Variants in CSRNP2 observed in about 807,000 individuals in gnomAD.
CSRNP2 encodes cysteine/serine-rich nuclear protein 2.
A neutral mutation model predicts 36.6 loss-of-function variants in CSRNP2; 11 were observed. The ratio of observed to expected loss-of-function variants is 0.30; its 90% CI spans 0.19 to 0.50. CSRNP2 has a LOEUF of 0.50. Among genes scored for constraint, CSRNP2 ranks in the 20% least tolerant of loss-of-function variants. The pLI, the probability that CSRNP2 is intolerant of heterozygous loss-of-function variation, is 0.98. For missense variants in CSRNP2, 483 were observed against 691.4 expected, an observed-to-expected ratio of 0.70 and a Z score of 3.38; for synonymous variants, 248 against 275.3, an observed-to-expected ratio of 0.90 and a Z score of 0.98.
Position 51,061,335 on chromosome 12 carries a change from ATAC to A in CSRNP2, c.*2408_*2410del, listed in dbSNP as rs1469039994. On this transcript the variant is annotated 3_prime_UTR_variant, in exon 5 of 5. Transcript: ENST00000228515. The stretch of plus-strand genomic sequence containing the variant: ...GACAAGCTTTGGATTCACATTGAAA[ATAC>A]TACCTGTGTACAGTATGTGAGAAAG... 1.3e-5 allele frequency: 2 copies of A among 152,664 alleles called. No individual in the cohort carries two copies. Among genetic ancestry groups the A allele is most frequent in the Non-Finnish European group, 2.9e-5 (2 of 68,040 alleles). 9.5% of individuals were successfully genotyped at this position (152,664 alleles called of 1,614,324 possible).
At chr12:51,078,392 G>A (rs571336425) in intron 1 of CSRNP2, among the ~76,000 whole-genome samples, 1 of 8,196 alleles carries the variant, frequency 1.2e-4, no homozygotes, top group South Asian at 0.019. Context: ...AAATTTGCCA[G>A]GGAAGAAAAA....
intron 3 of CSRNP2, among the ~76,000 whole-genome samples, chr12:51,070,324 A>G (rs1018193904): frequency 1.2e-4 from 19 of 152,160 alleles, no homozygotes; most frequent in African/African-American, 4.1e-4. Flanking sequence ...GAAGAGAAGT[A>G]AAGTGGGGCT....
At chr12:51,072,994 G>A (rs1462656735) in intron 3 of CSRNP2, among the ~76,000 whole-genome samples, 1 of 152,114 alleles carries the variant, frequency 6.6e-6, no homozygotes, top group African/African-American at 2.4e-5. Context: ...GGTCAAGAGG[G>A]AAGGACCACT....
Position 51,061,949 on chromosome 12 carries a change from T to G in CSRNP2, c.*1797A>C, listed in dbSNP as rs1393175990. ...GGAGTCTAGTTCAGTTCTGGGTAGC[T>G]TCGAGAGCTCAGGTACTTAAAAGAC... On this transcript the variant is annotated 3_prime_UTR_variant, in exon 5 of 5. Coordinates refer to ENST00000228515, the MANE Select transcript of CSRNP2 (RefSeq NM_030809.3). 2.0e-5 allele frequency: 3 copies of G among 152,168 alleles called. No individual in the cohort carries two copies. Among genetic ancestry groups the G allele is most frequent in the Non-Finnish European group, 1.5e-5 (1 of 68,038 alleles). The allele number at this position is 152,168 out of a possible 1,614,324, so 9.4% of individuals were successfully genotyped here.
rs148953623 is a variant in CSRNP2, at chr12:51,062,505, G to T, written c.*1241C>A. 4 of 152,322 alleles carry T rather than the reference G, an allele frequency of 2.6e-5. No individual in the cohort carries two copies. The highest frequency in any genetic ancestry group is 9.6e-5 in the African/African-American group (4 of 41,562). 9.4% of individuals were successfully genotyped at this position (152,322 alleles called of 1,614,324 possible). ...GTAAGAACTGAATCAAACTGAATGAGTTCCATTCTATACGCTTCAAAGGTT... is the reference window on the plus strand; with the variant it reads ...GTAAGAACTGAATCAAACTGAATGATTTCCATTCTATACGCTTCAAAGGTT... On this transcript the variant is annotated 3_prime_UTR_variant, in exon 5 of 5. Transcript: ENST00000228515.
At chr12:51,082,131 C>T (rs950355337) in intron 1 of CSRNP2, among the ~76,000 whole-genome samples, 1 of 152,224 alleles carries the variant, frequency 6.6e-6, no homozygotes, top group Admixed American at 6.5e-5. Context: ...AATAAAATGA[C>T]CTGCCCTGTT....
At position 51,064,279 on chromosome 12, in the gene CSRNP2, C is replaced by A; in HGVS notation, c.1099G>T (p.Val367Phe). The change falls in exon 5 of 5, where the codon GTC becomes TTC. Residue 367 changes from valine (V) to phenylalanine (F), a missense_variant. Val to Phe is a conservative substitution (Grantham distance 50, BLOSUM62 -1). Around this residue, in one of 2 missense-constraint regions of CSRNP2, gnomAD observed 277 missense variants for 323.6 expected, o/e 0.86. Coordinates refer to ENST00000228515, the MANE Select transcript of CSRNP2 (RefSeq NM_030809.3). The stretch of plus-strand genomic sequence containing the variant: ...AGGCCTGGGCACAGCTCTTCGGGGA[C>A]AGCCAGAGGCTCCTCTAGGATGCAC... ...GVCILEEPLAVPEELCPGLTA... is the reference protein window; with the variant it reads ...GVCILEEPLAFPEELCPGLTA... 6.2e-7 allele frequency: 1 copy of A among 1,612,628 alleles called. No homozygotes were observed. Among genetic ancestry groups the A allele is most frequent in the South Asian group, 1.1e-5 (1 of 90,954 alleles).
At chr12:51,082,206 T>C (rs1939669543) in intron 1 of CSRNP2, among the ~76,000 whole-genome samples, 4 of 152,216 alleles carry the variant, frequency 2.6e-5, no homozygotes, top group Admixed American at 2.0e-4. Context: ...CCATGTGTCT[T>C]TGTGATCACC....
intron 2 of CSRNP2, among the ~76,000 whole-genome samples, chr12:51,074,973 G>A (rs1269620103): frequency 1.3e-5 from 2 of 152,120 alleles, no homozygotes; most frequent in Non-Finnish European, 2.9e-5. Context: ...GCTGAGGCAG[G>A]AGAATCACTT....
chr12:51,065,814 T>C (rs1938152748), intron 4 of CSRNP2, among the ~76,000 whole-genome samples: 1 of 152,088 alleles, frequency 6.6e-6, no homozygotes, highest in Non-Finnish European at 1.5e-5. Context: ...AATGACTCAT[T>C]ATGGGACTTT....
At chr12:51,069,680 G>GTT (rs556466810) in intron 3 of CSRNP2, among the ~76,000 whole-genome samples, 50 of 141,798 alleles carry the variant, frequency 3.5e-4, no homozygotes, top group African/African-American at 1.2e-3. Context: ...AGAAATCTGG[G>GTT]TTTTTTTTTT....
chr12:51,077,335 G>A lies in CSRNP2; in HGVS notation c.-86-688C>T, dbSNP rs185419124. ...ATTAATAGCTTTTACATAGAAATAC[G>A]ACTGCTGTGTCAAAAGGGTTTTAAA... On this transcript the variant is annotated intron_variant, in intron 1 of 4. Transcript: ENST00000228515. Among the ~76,000 whole-genome samples the A allele has an allele frequency of 7.2e-5, 11 of 152,258 alleles. No individual in the cohort carries two copies. In the South Asian group the frequency reaches 1.2e-3, roughly 17 times the overall value.
rs752561947 is a variant in CSRNP2, at chr12:51,063,843, G to A, written c.1535C>T (p.Thr512Met). 37 of 1,613,842 alleles carry A rather than the reference G, an allele frequency of 2.3e-5. 1 individual carries two copies. Among genetic ancestry groups the A allele is most frequent in the Non-Finnish European group, 2.9e-5 (34 of 1,179,924 alleles). The change falls in exon 5 of 5, where the codon ACG becomes ATG. Residue 512 changes from threonine to methionine, a missense_variant. Transcript: ENST00000228515. ...CATCCCACAGCCCTCTTCATTGTCC[G>A]TGCGGAAGGGGAGGCTTGAGGGGGA... ...SWSPSSLPFR[T>M]DNEEGCGMVK... is the part of the protein sequence containing the mutation.
intron 2 of CSRNP2, among the ~76,000 whole-genome samples, chr12:51,074,384 T>C (rs1939309901): frequency 6.6e-6 from 1 of 152,186 alleles, no homozygotes. Flanking sequence ...CCCAAAGTGC[T>C]GGGATTACAG....
intron 3 of CSRNP2, 81 bp from the exon 4 acceptor site, chr12:51,068,050 C>G (rs1273117393): frequency 3.0e-6 from 4 of 1,323,014 alleles, no homozygotes; most frequent in Non-Finnish European, 4.2e-6. Context: ...GCAGCACTGT[C>G]CCTTGAACCT....
chr12:51,063,712 G>C lies in CSRNP2; in HGVS notation c.*34C>G. 2.1e-6 allele frequency: 3 copies of C among 1,456,034 alleles called. No homozygotes were observed. The highest frequency in any genetic ancestry group is 2.3e-5 in the East Asian group (1 of 43,036). The allele number at this position is 1,456,034 out of a possible 1,614,324, so 90.2% of individuals were successfully genotyped here. On this transcript the variant is annotated 3_prime_UTR_variant, in exon 5 of 5. Transcript: ENST00000228515. ...GTTAGATAAAATAAGGGAATAAATAGAGAATGGGTAAGAGGCAGGACCTCT... is the reference window on the plus strand; with the variant it reads ...GTTAGATAAAATAAGGGAATAAATACAGAATGGGTAAGAGGCAGGACCTCT...
rs1198778553 is a variant in CSRNP2 at position 51,064,031 on chromosome 12, C to T, written c.1347G>A (p.Leu449=). The T allele has an allele frequency of 6.2e-7, 1 of 1,614,232 alleles. No individual in the cohort carries two copies. The highest frequency in any genetic ancestry group is 1.3e-5 in the African/African-American group (1 of 75,068). ...AGGTAACAGGGAGAGAGAAGACATT[C>T]AGATCCTTCTCCTTTGGGAAAGAGG... ...GSASFPKEKD[L]NVFSLPVTSL... The change falls in exon 5 of 5, where the codon CTG becomes CTA. Residue 449 remains leucine, a synonymous_variant. Transcript: ENST00000228515.
chr12:51,076,473 G>A lies in CSRNP2; in HGVS notation c.89C>T (p.Ser30Phe), dbSNP rs200832360. 1 of 1,614,056 alleles carries A rather than the reference G, an allele frequency of 6.2e-7. No individual in the cohort carries two copies. The highest frequency in any genetic ancestry group is 1.7e-5 in the Admixed American group (1 of 59,994). ...GCAGCTGTCAGCACTATCACTGCTGGAGATCTCATCATCTGAGTTGGAAAC... is the reference window on the plus strand; with the variant it reads ...GCAGCTGTCAGCACTATCACTGCTGAAGATCTCATCATCTGAGTTGGAAAC... ...SSVSNSDDEI[S>F]SSDSADSCDS... is the part of the protein sequence containing the mutation. The change falls in exon 2 of 5, where the codon TCC becomes TTC. Residue 30 changes from serine (S) to phenylalanine (F), a missense_variant. By Grantham distance (155) the Ser-to-Phe change is radical (BLOSUM62 -2). Transcript: ENST00000228515.
Position 51,067,635 on chromosome 12 carries a change from T to C in CSRNP2, c.708+38A>G, listed in dbSNP as rs762539023. The C allele has an allele frequency of 6.3e-7, 1 of 1,591,222 alleles. No homozygotes were observed. The highest frequency in any genetic ancestry group is 1.3e-5 in the African/African-American group (1 of 74,766). ...CACCCACACCTCACCCCGCTGACCCTGGTGTAGATATACTATCTCAGGCCA... is the reference window on the plus strand; with the variant it reads ...CACCCACACCTCACCCCGCTGACCCCGGTGTAGATATACTATCTCAGGCCA... On this transcript the variant is annotated intron_variant, in intron 4 of 4. Transcript: ENST00000228515. This position sits in a 1 kb window ranked among gnomAD's most constrained non-coding sequence, Gnocchi z 4.1.
Sources: gnomAD v4.1 joint callset for allele counts (sites outside exome capture counted in the v4.1 genomes callset) on GRCh38, gnomAD v4.1.1 for gene constraint, gnomAD v4.1.1 regional missense constraint, Gnocchi (gnomAD v3.1) non-coding constraint, MANE v1.5 for transcripts, NCBI Gene and HGNC (gene_info 2026-07-23, HGNC 2026-07-21) for gene names.